Variants in GRID2 observed in about 807,000 individuals in gnomAD.
GRID2 encodes glutamate receptor ionotropic, delta-2.
A neutral mutation model predicts 114.8 loss-of-function variants in GRID2; 33 were observed. The ratio of observed to expected loss-of-function variants is 0.29; its 90% CI spans 0.22 to 0.38. The LOEUF (loss-of-function observed/expected upper bound fraction) is 0.38, where lower values mean the gene tolerates loss of function less well. Among genes scored for constraint, GRID2 ranks in the 10% least tolerant of loss-of-function variants. The probability of loss-of-function intolerance (pLI) is 1.00; values close to 1 mark genes in which losing one functional copy is unlikely to be tolerated. For missense variants in GRID2, 1,184 were observed against 1,257.7 expected (o/e 0.94, Z 0.89); for synonymous variants, 505 against 449.9 (o/e 1.12, Z -1.55).
At chr4:93,139,904 C>G (rs929752381) in intron 4 of GRID2, among the ~76,000 whole-genome samples, 1 of 152,052 alleles carries the variant, frequency 6.6e-6, no homozygotes, top group African/African-American at 2.4e-5. Context: ...TAAAATATGT[C>G]TGGATCCTTC....
intron 2 of GRID2, among the ~76,000 whole-genome samples, chr4:93,001,359 G>C (rs1720962042): frequency 6.6e-6 from 1 of 151,564 alleles, no homozygotes. Context: ...ATAAGCTTAT[G>C]ATAGAACAAG....
chr4:93,263,747 G>T (rs1750505064), intron 8 of GRID2, among the ~76,000 whole-genome samples: 1 of 151,996 alleles, frequency 6.6e-6, no homozygotes, highest in Admixed American at 6.6e-5. Flanking sequence ...GTTAGAGTGG[G>T]TAATTTGAAA....
chr4:93,649,225 T>C (rs1004598643), intron 14 of GRID2, among the ~76,000 whole-genome samples: 1 of 152,152 alleles, frequency 6.6e-6, no homozygotes, highest in Non-Finnish European at 1.5e-5. Context: ...ATCCTTCTTA[T>C]TGATCAACTC....
At chr4:92,830,293 TG>T (rs1284999730) in intron 2 of GRID2, among the ~76,000 whole-genome samples, 5 of 151,384 alleles carry the variant, frequency 3.3e-5, no homozygotes, top group South Asian at 2.1e-4. Context: ...GGATTTACAT[TG>T]TTTTTTTTTT....
At chr4:92,448,051 A>G (rs1367384660) in intron 1 of GRID2, among the ~76,000 whole-genome samples, 1 of 152,224 alleles carries the variant, frequency 6.6e-6, no homozygotes, top group Non-Finnish European at 1.5e-5. Context: ...CTCATGATCA[A>G]GTAAACTTAC....
At chr4:93,050,122 A>G (rs1726546366) in intron 2 of GRID2, among the ~76,000 whole-genome samples, 1 of 152,042 alleles carries the variant, frequency 6.6e-6, no homozygotes. Flanking sequence ...CAAAGAGACC[A>G]TTACTGGAAA....
intron 9 of GRID2, among the ~76,000 whole-genome samples, chr4:93,399,641 A>G (rs1765689228): frequency 6.6e-6 from 1 of 152,136 alleles, no homozygotes; most frequent in Middle Eastern, 3.2e-3. Flanking sequence ...GAGAGAGACC[A>G]TCACTCATAG....
At chr4:92,501,795 C>A (rs1187132521) in intron 1 of GRID2, among the ~76,000 whole-genome samples, 1 of 152,094 alleles carries the variant, frequency 6.6e-6, no homozygotes, top group Non-Finnish European at 1.5e-5. Flanking sequence ...CTTCTTCCTG[C>A]ACTTTTAAAA....
At chr4:92,925,692 A>C (rs1053834850) in intron 2 of GRID2, among the ~76,000 whole-genome samples, 10 of 152,018 alleles carry the variant, frequency 6.6e-5, no homozygotes, top group Admixed American at 3.9e-4. Context: ...AACATGTATT[A>C]ACTTGAAATT....
At chr4:93,741,363 C>G (rs1466359411) in intron 14 of GRID2, among the ~76,000 whole-genome samples, 4 of 151,516 alleles carry the variant, frequency 2.6e-5, no homozygotes, top group Non-Finnish European at 5.9e-5. Flanking sequence ...TATACTTACC[C>G]TTTAACCTGA....
At chr4:93,570,101 A>T (rs1735800039) in intron 13 of GRID2, among the ~76,000 whole-genome samples, 1 of 152,136 alleles carries the variant, frequency 6.6e-6, no homozygotes, top group Non-Finnish European at 1.5e-5. Context: ...CTTCATTAAT[A>T]TTTTTTAAAT....
In GRID2 at chr4:93,738,338, C is replaced by A. The variant is rs190531246; in HGVS notation, c.2361-30872C>A. Among the ~76,000 whole-genome samples the A allele has an allele frequency of 3.3e-3, 503 of 152,018 alleles. 1 individual carries two copies. The highest frequency in any genetic ancestry group is 8.5e-3 in the Admixed American group (129 of 15,258). Reference sequence around the variant, plus strand: ...TTATGAGCATGGAAGTGACATGATCCGATTTAGTTTTGTAAGGAGAGCTCA... The same window carrying A: ...TTATGAGCATGGAAGTGACATGATCAGATTTAGTTTTGTAAGGAGAGCTCA... On this transcript the variant is annotated intron_variant, in intron 14 of 15. Coordinates refer to ENST00000282020, the MANE Select transcript of GRID2 (RefSeq NM_001510.4).
At chr4:92,576,358 G>T (rs545153099) in intron 1 of GRID2, among the ~76,000 whole-genome samples, 4 of 152,312 alleles carry the variant, frequency 2.6e-5, no homozygotes, top group Non-Finnish European at 5.9e-5. Flanking sequence ...TGGTGGCCTG[G>T]TCCCTCCCCC....
intron 14 of GRID2, among the ~76,000 whole-genome samples, chr4:93,763,917 T>C (rs1488049308): frequency 6.6e-6 from 1 of 152,144 alleles, no homozygotes; most frequent in Non-Finnish European, 1.5e-5. Flanking sequence ...GGAATTCACC[T>C]ATGGGCCATG....
intron 9 of GRID2, among the ~76,000 whole-genome samples, chr4:93,397,296 A>T (rs1162719781): frequency 1.3e-5 from 2 of 152,050 alleles, no homozygotes; most frequent in East Asian, 3.9e-4. Context: ...CTTAAATGTG[A>T]ATTCGCTTCT....
chr4:92,533,819 T>C (rs978385897), intron 1 of GRID2, among the ~76,000 whole-genome samples: 13 of 152,202 alleles, frequency 8.5e-5, no homozygotes, highest in South Asian at 4.1e-4. Context: ...TGACAAACTA[T>C]AGTAACACCA....
At chr4:93,331,292 T>C (rs1200094978) in intron 8 of GRID2, among the ~76,000 whole-genome samples, 1 of 151,694 alleles carries the variant, frequency 6.6e-6, no homozygotes, top group East Asian at 1.9e-4. Context: ...GCTTGGGAGT[T>C]ATTCTCTCTG....
At chr4:93,114,949 G>A (rs1272635862) in intron 4 of GRID2, among the ~76,000 whole-genome samples, 1 of 152,126 alleles carries the variant, frequency 6.6e-6, no homozygotes, top group East Asian at 1.9e-4. Context: ...TACCGTAGGA[G>A]AACTGACTCA....
intron 13 of GRID2, among the ~76,000 whole-genome samples, chr4:93,530,711 G>C (rs1394241198): frequency 6.6e-6 from 1 of 151,860 alleles, no homozygotes; most frequent in Non-Finnish European, 1.5e-5. Flanking sequence ...ATACTATTTT[G>C]GGCCAGAACA....
Sources: gnomAD v4.1 joint callset for allele counts (sites outside exome capture counted in the v4.1 genomes callset) on GRCh38, gnomAD v4.1.1 for gene constraint, MANE v1.5 for transcripts, NCBI Gene and HGNC (gene_info 2026-07-23, HGNC 2026-07-21) for gene names.